Variants in ZNF438 observed in about 807,000 individuals in gnomAD.
The protein encoded by ZNF438 is zinc finger protein 438.
ZNF438 carries 25 observed loss-of-function variants against 38.0 expected under a neutral mutation model. The ratio of observed to expected loss-of-function variants is 0.66; its 90% CI spans 0.48 to 0.92. The LOEUF is 0.92. Ranked by LOEUF, ZNF438 falls within the 40% of genes least tolerant of loss-of-function variation. ZNF438 has a pLI of 0.00. For synonymous variants in ZNF438, 372 were observed against 364.1 expected, an observed-to-expected ratio of 1.02 and a Z score of -0.25; for missense variants, 1,007 against 999.6, an observed-to-expected ratio of 1.01 and a Z score of -0.10.
At chr10:31,012,274 C>A (rs1320457829) in intron 1 of ZNF438, among the ~76,000 whole-genome samples, 1 of 152,036 alleles carries the variant, frequency 6.6e-6, no homozygotes, top group Non-Finnish European at 1.5e-5. Flanking sequence ...CAGGCACCCG[C>A]CACCACGCCC....
chr10:30,978,537 C>A (rs1323683692), intron 1 of ZNF438, among the ~76,000 whole-genome samples: 1 of 152,068 alleles, frequency 6.6e-6, no homozygotes, highest in East Asian at 1.9e-4. Context: ...ATTTATATCT[C>A]CATATAATCA....
chr10:30,898,182 A>T (rs1379222212), intron 3 of ZNF438, among the ~76,000 whole-genome samples: 1 of 152,160 alleles, frequency 6.6e-6, no homozygotes, highest in Non-Finnish European at 1.5e-5. Flanking sequence ...AAGAATTGGA[A>T]AGAAAAATGA....
intron 2 of ZNF438, chr10:30,920,187 G>A (rs536962788): frequency 2.0e-5 from 3 of 152,184 alleles, no homozygotes; most frequent in East Asian, 3.9e-4. Context: ...TATTGAAATA[G>A]GCTCTAAATT....
intron 2 of ZNF438, among the ~76,000 whole-genome samples, chr10:30,931,349 T>G (rs1278882846): frequency 6.6e-6 from 1 of 152,230 alleles, no homozygotes; most frequent in East Asian, 1.9e-4. Flanking sequence ...CTGGAAACCA[T>G]AGTTACAGAA....
At chr10:30,862,746 C>T (rs2035794008) in intron 4 of ZNF438, among the ~76,000 whole-genome samples, 1 of 152,180 alleles carries the variant, frequency 6.6e-6, no homozygotes, top group Admixed American at 6.5e-5. Flanking sequence ...TCAGTTGGAA[C>T]AATTAAACTA....
exon 5 of ZNF438, chr10:30,849,425 T>C: frequency 6.2e-7 from 1 of 1,614,236 alleles, no homozygotes; most frequent in Non-Finnish European, 8.5e-7. Context: ...GGGTATCTTA[T>C]CACAGTCGGC....
At chr10:30,849,891 T>C (rs2033225901) in exon 5 of ZNF438, 1 of 1,614,092 alleles carries the variant, frequency 6.2e-7, no homozygotes. Flanking sequence ...GGACTGGGTT[T>C]GTACAGGAGT....
intron 2 of ZNF438, among the ~76,000 whole-genome samples, chr10:30,917,394 T>C (rs779899784): frequency 1.1e-4 from 17 of 152,136 alleles, no homozygotes; most frequent in Admixed American, 3.3e-4. Flanking sequence ...TGCTGAATCA[T>C]TGGGTAAGTG....
intron 3 of ZNF438, among the ~76,000 whole-genome samples, chr10:30,903,910 ATC>A (rs1687675361): frequency 6.6e-6 from 1 of 152,142 alleles, no homozygotes; most frequent in Admixed American, 6.5e-5. Flanking sequence ...CTGTTGCAAA[ATC>A]TTGAGAATCA....
At chr10:30,882,117 T>C (rs1588980416) in intron 3 of ZNF438, among the ~76,000 whole-genome samples, 1 of 151,616 alleles carries the variant, frequency 6.6e-6, no homozygotes, top group African/African-American at 2.4e-5. Context: ...AATAAGACAA[T>C]GAAAAGACGA....
intron 3 of ZNF438, among the ~76,000 whole-genome samples, chr10:30,888,407 G>A (rs530539827): frequency 2.7e-5 from 4 of 146,592 alleles, no homozygotes; most frequent in African/African-American, 2.6e-5. Flanking sequence ...GTACATGTGC[G>A]AGTTTGATAT....
intron 1 of ZNF438, among the ~76,000 whole-genome samples, chr10:30,995,658 T>G (rs1589641492): frequency 2.0e-5 from 3 of 152,328 alleles, no homozygotes; most frequent in Admixed American, 2.0e-4. Flanking sequence ...ATTTAAAGAA[T>G]AATTCAATAA....
At chr10:31,003,722 G>T (rs1197988948) in intron 1 of ZNF438, among the ~76,000 whole-genome samples, 1 of 152,012 alleles carries the variant, frequency 6.6e-6, no homozygotes, top group East Asian at 1.9e-4. Flanking sequence ...CTCTTAACTG[G>T]TCTTCCTGCT....
intron 3 of ZNF438, among the ~76,000 whole-genome samples, chr10:30,898,833 T>C (rs1218582696): frequency 6.6e-6 from 1 of 152,160 alleles, no homozygotes; most frequent in African/African-American, 2.4e-5. Flanking sequence ...TATAGCAATT[T>C]AGTAGATTGC....
rs574752221 is a variant in ZNF438 at position 30,848,453 on chromosome 10, T to A, written c.1874+78A>T. 3.3e-6 allele frequency: 5 copies of A among 1,500,432 alleles called. No individual in the cohort carries two copies. In the East Asian group the frequency reaches 1.1e-4, roughly 34 times the overall value. 92.9% of individuals were successfully genotyped at this position (1,500,432 alleles called of 1,614,324 possible). A position where few individuals can be genotyped will look rare whatever the true frequency, so the allele number is the denominator to read the frequency against. ...CTAGAGATGTTTTATAAACTCTCCT[T>A]TCTGAATATGAAATCTTCCCCTCTT... On this transcript the variant is annotated intron_variant, in intron 5 of 5. Transcript: ENST00000413025.
In ZNF438 at chr10:30,942,878, C is replaced by T. The variant is rs186308489; in HGVS notation, c.-191-1227G>A. Among the ~76,000 whole-genome samples, 380 of 152,240 alleles carry T rather than the reference C, an allele frequency of 2.5e-3. 1 individual carries two copies. Among genetic ancestry groups the T allele is most frequent in the African/African-American group, 8.4e-3 (348 of 41,536 alleles). On this transcript the variant is annotated intron_variant, in intron 1 of 5. Coordinates refer to ENST00000413025, the Ensembl canonical transcript of ZNF438. ...GGCCTTCCACAAAATACTGAAGTCA[C>T]GAAAGAAGAGCAAAAGAAGAGAGCG...
intron 3 of ZNF438, among the ~76,000 whole-genome samples, chr10:30,901,777 C>T (rs948505133): frequency 1.4e-4 from 21 of 152,068 alleles, no homozygotes; most frequent in African/African-American, 3.4e-4. Context: ...AATGAAGCCG[C>T]GGACCCTCAC....
At chr10:30,847,540 C>A (rs2132656540) in intron 5 of ZNF438, among the ~76,000 whole-genome samples, 1 of 152,326 alleles carries the variant, frequency 6.6e-6, no homozygotes, top group Admixed American at 6.5e-5. Flanking sequence ...TTGAGACCTG[C>A]CAAATGGTGG....
chr10:30,883,179 T>G (rs1367022942), intron 3 of ZNF438, among the ~76,000 whole-genome samples: 1 of 152,210 alleles, frequency 6.6e-6, no homozygotes, highest in Admixed American at 6.5e-5. Context: ...AAAATAATAC[T>G]ACTTTTTTGC....
Sources: gnomAD v4.1 joint callset for allele counts (sites outside exome capture counted in the v4.1 genomes callset) on GRCh38, gnomAD v4.1.1 for gene constraint, MANE v1.5 for transcripts, NCBI Gene and HGNC (gene_info 2026-07-23, HGNC 2026-07-21) for gene names.